HGD: variants seen among roughly 807,000 people sequenced by gnomAD.
The protein encoded by HGD is homogentisate oxidase.
In HGD, 61 loss-of-function variants were observed where a neutral mutation model predicts 60.8. The observed-to-expected ratio is 1.00, with a 90% CI of 0.82 to 1.24. The LOEUF (loss-of-function observed/expected upper bound fraction) is 1.24, where lower values mean the gene tolerates loss of function less well. HGD is among the 50% of genes most tolerant of loss of function. HGD has a pLI of 0.00. For synonymous variants in HGD, 212 were observed against 187.7 expected (o/e 1.13, Z -1.06); for missense variants, 542 against 547.1 (o/e 0.99, Z 0.09).
intron 13 of HGD, among the ~76,000 whole-genome samples, chr3:120,630,496 A>G (rs1373560477): frequency 6.6e-6 from 1 of 152,110 alleles, no homozygotes; most frequent in African/African-American, 2.4e-5. Context: ...CCGATTTTCA[A>G]TGAAGCTGAC....
chr3:120,634,192 C>T (rs1184912423), intron 12 of HGD, among the ~76,000 whole-genome samples: 1 of 152,110 alleles, frequency 6.6e-6, no homozygotes, highest in African/African-American at 2.4e-5. Context: ...TATTGAAGAG[C>T]TCTGTGTGTA....
chr3:120,660,833 T>C (rs191428203), intron 4 of HGD, among the ~76,000 whole-genome samples: 22 of 152,134 alleles, frequency 1.4e-4, no homozygotes, highest in Non-Finnish European at 2.6e-4. Context: ...ATAACAAAAG[T>C]CTTTCATGAG....
chr3:120,644,086 A>G (rs1941081231), intron 10 of HGD, among the ~76,000 whole-genome samples: 1 of 152,228 alleles, frequency 6.6e-6, no homozygotes, highest in Non-Finnish European at 1.5e-5. Context: ...TATGGGTTCA[A>G]ATTCTGGTTC....
At position 120,652,591 on chromosome 3, in the gene HGD, C is replaced by A. The variant is rs397515518; in HGVS notation, c.342+1G>T. ...GGAGGGTGTGGATGGGACTGACTTACACTCACAAAGTCTACTTTCTTCTGA... is the reference window on the plus strand; with the variant it reads ...GGAGGGTGTGGATGGGACTGACTTAAACTCACAAAGTCTACTTTCTTCTGA... On this transcript the variant is annotated splice_donor_variant, in intron 5 of 13. Transcript: ENST00000283871. LOFTEE classifies it high-confidence loss of function. 3.4e-5 allele frequency: 54 copies of A among 1,610,356 alleles called. No individual in the cohort carries two copies. Among genetic ancestry groups the A allele is most frequent in the Non-Finnish European group, 4.4e-5 (52 of 1,176,798 alleles).
At position 120,670,477 on chromosome 3, in the gene HGD, C is replaced by G. The variant is rs748437340; in HGVS notation, c.232G>C (p.Glu78Gln). 1 of 1,611,198 alleles carries G rather than the reference C, an allele frequency of 6.2e-7. No homozygotes were observed. The highest frequency in any genetic ancestry group is 1.7e-5 in the Admixed American group (1 of 59,978). Residue 78 changes from glutamate to glutamine, a missense_variant, in exon 4 of 14, where the codon GAA becomes CAA. Coordinates refer to ENST00000283871, the MANE Select transcript of HGD (RefSeq NM_000187.4). ...TCCCAGTTGTGAGTGACTTGGCCTT[C>G]GTCAATGGATTCAAAGGGCTTGTGA... ...VSHKPFESID[E>Q]GQVTHNWDEV...
At chr3:120,633,103 G>T (rs1292380396) in intron 13 of HGD, 44 bp downstream of exon 13, 1 of 1,581,026 alleles carries the variant, frequency 6.3e-7, no homozygotes, top group Admixed American at 1.7e-5. Flanking sequence ...CAGTAAGGGT[G>T]GGGAGTTCAG....
intron 4 of HGD, among the ~76,000 whole-genome samples, chr3:120,661,956 T>G (rs993501312): frequency 2.0e-5 from 3 of 152,334 alleles, no homozygotes; most frequent in African/African-American, 7.2e-5. Context: ...CCTTAAATAC[T>G]CTGAGAAATA....
chr3:120,667,847 T>A (rs1168121321), intron 4 of HGD, among the ~76,000 whole-genome samples: 1 of 152,194 alleles, frequency 6.6e-6, no homozygotes, highest in East Asian at 1.9e-4. Flanking sequence ...CCCATGGACT[T>A]TTCTTATAAT....
rs751317891 is a variant in HGD, at chr3:120,675,840, C to T, written c.39G>A (p.Glu13=). The T allele has an allele frequency of 6.2e-7, 1 of 1,613,642 alleles. No homozygotes were observed. Among genetic ancestry groups the T allele is most frequent in the Non-Finnish European group, 8.5e-7 (1 of 1,179,598 alleles). The part of the protein sequence containing the change: ...ELKYISGFGN[E]CSSEDPRCPG... ...GGCAGCGAGGATCCTCTGAAGAACA[C>T]TCATTCCCAAATCCAGAAATGTACT... is the stretch of plus-strand genomic sequence containing the variant. The change falls in exon 2 of 14, where the codon GAG becomes GAA. Residue 13 remains glutamate, a synonymous_variant. Coordinates refer to ENST00000283871, the MANE Select transcript of HGD (RefSeq NM_000187.4).
At chr3:120,666,207 A>T (rs1232588658) in intron 4 of HGD, among the ~76,000 whole-genome samples, 1 of 152,176 alleles carries the variant, frequency 6.6e-6, no homozygotes, top group African/African-American at 2.4e-5. Flanking sequence ...CTGAGACGCT[A>T]TTGAATTCTG....
chr3:120,652,558 A>G (rs376603518), intron 5 of HGD, 34 bp downstream of exon 5: 9 of 1,493,606 alleles, frequency 6.0e-6, no homozygotes, highest in African/African-American at 1.4e-5. Context: ...AAGAGAGGAG[A>G]GCAGTAGGGA....
chr3:120,644,167 G>A, intron 10 of HGD, 152 bp downstream of exon 10: 1 of 896,270 alleles, frequency 1.1e-6, no homozygotes, highest in Non-Finnish European at 1.8e-6. Flanking sequence ...AAGTATAATT[G>A]ACTACTAGAA....
chr3:120,646,861 CGTT>C, intron 8 of HGD, 109 bp downstream of exon 8: 1 of 885,904 alleles, frequency 1.1e-6, no homozygotes, highest in Non-Finnish European at 1.9e-6. Context: ...ATTCCCTCCT[CGTT>C]GCCCAGACAT....
At chr3:120,649,243 A>C (rs1446664110) in intron 6 of HGD, among the ~76,000 whole-genome samples, 1 of 149,118 alleles carries the variant, frequency 6.7e-6, no homozygotes, top group Non-Finnish European at 1.5e-5. Flanking sequence ...CCCGGGTTCA[A>C]GCAATTCTCC....
intron 10 of HGD, among the ~76,000 whole-genome samples, chr3:120,642,536 T>C (rs1033898338): frequency 6.6e-6 from 1 of 152,164 alleles, no homozygotes; most frequent in Non-Finnish European, 1.5e-5. Flanking sequence ...AAAAAATACA[T>C]AAAGCATTGA....
At chr3:120,675,135 T>C (rs1708101465) in intron 2 of HGD, 146 bp from the exon 3 acceptor site, 1 of 655,884 alleles carries the variant, frequency 1.5e-6, no homozygotes, top group South Asian at 1.5e-5. Flanking sequence ...TAACAACTTT[T>C]GATGTGACTT....
chr3:120,643,225 G>T (rs1478482770), intron 10 of HGD, among the ~76,000 whole-genome samples: 3 of 152,162 alleles, frequency 2.0e-5, no homozygotes, highest in Non-Finnish European at 4.4e-5. Flanking sequence ...CTGGGTTCAA[G>T]CGATTCTCCT....
rs2107483964 is a variant in HGD, at chr3:120,628,666, G to A, written c.1189-137C>T. ...AAAGATTTGTGTGCTAGAGTGGTGA[G>A]GAGAGCAGGCTCAAGCCCTGAGTTG... is the stretch of plus-strand genomic sequence containing the variant. On this transcript the variant is annotated intron_variant, in intron 13 of 13. Transcript: ENST00000283871. The A allele has an allele frequency of 2.9e-6, 3 of 1,036,886 alleles. No homozygotes were observed. In the South Asian group the frequency reaches 4.1e-5, roughly 14 times the overall value. The allele number at this position is 1,036,886 out of a possible 1,614,324, so 64.2% of individuals were successfully genotyped here.
chr3:120,636,595 G>T (rs1940791294), intron 12 of HGD, among the ~76,000 whole-genome samples: 1 of 152,176 alleles, frequency 6.6e-6, no homozygotes, highest in Admixed American at 6.5e-5. Flanking sequence ...ACTTCCAGGA[G>T]GAGAAAAGTT....
Sources: allele counts gnomAD v4.1 joint callset (sites outside exome capture counted in the v4.1 genomes callset), GRCh38; gene constraint gnomAD v4.1.1; transcripts MANE v1.5; gene names NCBI Gene and HGNC (gene_info 2026-07-23, HGNC 2026-07-21).